LETMD1: variants seen among roughly 807,000 people sequenced by gnomAD.
LETMD1 encodes LETM1 domain-containing protein 1.
A neutral mutation model predicts 43.9 loss-of-function variants in LETMD1; 30 were observed. The observed-to-expected ratio is 0.68, with a 90% confidence interval of 0.51 to 0.93. The LOEUF is 0.93. Ranked by LOEUF, LETMD1 falls within the 40% of genes least tolerant of loss-of-function variation. The pLI, the probability that LETMD1 is intolerant of heterozygous loss-of-function variation, is 0.00. For synonymous variants in LETMD1, 176 were observed against 163.1 expected (o/e 1.08, Z -0.60); for missense variants, 413 against 447.7 (o/e 0.92, Z 0.70).
chr12:51,057,892 T>A (rs576430616), intron 7 of LETMD1, 140 bp from the exon 8 acceptor site: 5 of 721,342 alleles, frequency 6.9e-6, no homozygotes, highest in Non-Finnish European at 1.2e-5. Context: ...CCCAAAGTGC[T>A]GGGATTACAG....
intron 8 of LETMD1, chr12:51,058,525 T>C: frequency 5.9e-6 from 1 of 168,412 alleles, no homozygotes; most frequent in Non-Finnish European, 1.3e-5. Flanking sequence ...TTCAAGTGAT[T>C]CTCCTGTCTC....
At chr12:51,064,769 C>T (rs142481237), downstream of LETMD1, 5,507 of 1,060,254 alleles carry the variant, frequency 5.2e-3, 33 homozygotes, top group Non-Finnish European at 6.3e-3. Context: ...GATTTGAGGT[C>T]TCCTTGTAAG....
downstream of LETMD1, chr12:51,064,231 C>A (rs1487938359): frequency 6.2e-7 from 1 of 1,613,496 alleles, no homozygotes; most frequent in Non-Finnish European, 8.5e-7. Flanking sequence ...GGCAGCTGAG[C>A]CTGGATGAGA....
chr12:51,056,079 C>G (rs1484149962), intron 5 of LETMD1, 58 bp downstream of exon 5: 27 of 1,607,494 alleles, frequency 1.7e-5, no homozygotes, highest in East Asian at 1.3e-4. Flanking sequence ...TCAGTGTGCA[C>G]TAAACTAGGT....
At chr12:51,065,067 G>C (rs528157043), downstream of LETMD1, among the ~76,000 whole-genome samples, 1 of 152,282 alleles carries the variant, frequency 6.6e-6, no homozygotes, top group Admixed American at 6.5e-5. Context: ...GAACTTACCT[G>C]GTTCACTGAG....
chr12:51,065,803 G>C, the LETMD1 span, among the ~76,000 whole-genome samples: 1 of 152,128 alleles, frequency 6.6e-6, no homozygotes, highest in Non-Finnish European at 1.5e-5. Context: ...GTGTGTAACA[G>C]AATGACTCAT....
intron 2 of LETMD1, among the ~76,000 whole-genome samples, chr12:51,050,968 G>GC (rs1945915668): frequency 6.7e-6 from 1 of 149,844 alleles, no homozygotes; most frequent in East Asian, 2.0e-4. Flanking sequence ...AGCCAAGATC[G>GC]CACCATTGCA....
In LETMD1 at chr12:51,060,145, C is replaced by T. The variant is rs961882704; in HGVS notation, c.*714C>T. On this transcript the variant is annotated 3_prime_UTR_variant, in exon 9 of 9. Transcript: ENST00000262055. ...CCATTGTCTTTTCTGGGCTGTATTACAGCCCTCTGTGGATCTTCAACTCTG... is the reference window on the plus strand; with the variant it reads ...CCATTGTCTTTTCTGGGCTGTATTATAGCCCTCTGTGGATCTTCAACTCTG... The T allele has an allele frequency of 1.3e-5, 2 of 152,786 alleles. No individual in the cohort carries two copies. The highest frequency in any genetic ancestry group is 4.8e-5 in the African/African-American group (2 of 41,436). 9.5% of individuals were successfully genotyped at this position (152,786 alleles called of 1,614,324 possible).
chr12:51,062,543 T>TG (rs1937681584), downstream of LETMD1: 1 of 152,204 alleles, frequency 6.6e-6, no homozygotes, highest in South Asian at 2.1e-4. Context: ...AATTAGAACT[T>TG]GAATCCTTTG....
chr12:51,054,613 T>C (rs1947102911), intron 4 of LETMD1, among the ~76,000 whole-genome samples: 1 of 152,182 alleles, frequency 6.6e-6, no homozygotes, highest in Non-Finnish European at 1.5e-5. Flanking sequence ...TGAGGGGTTC[T>C]AGTAAGAATC....
chr12:51,052,535 C>A (rs1946455169), intron 3 of LETMD1, among the ~76,000 whole-genome samples: 1 of 152,194 alleles, frequency 6.6e-6, no homozygotes, highest in Non-Finnish European at 1.5e-5. Context: ...GTAATCCCAG[C>A]ACTTTGGGAA....
downstream of LETMD1, chr12:51,063,936 A>C (rs1419657689): frequency 6.2e-7 from 1 of 1,613,380 alleles, no homozygotes; most frequent in South Asian, 1.1e-5. Flanking sequence ...TAGAGCTTCT[A>C]GGGTGGGTGT....
Position 51,060,331 on chromosome 12 carries a change from G to A in LETMD1, c.*900G>A, listed in dbSNP as rs1948752918. On this transcript the variant is annotated 3_prime_UTR_variant, in exon 9 of 9. Coordinates refer to ENST00000262055, the MANE Select transcript of LETMD1 (RefSeq NM_015416.5). Reference sequence around the variant, plus strand: ...GGGTTTAGCTTTTGTGTGTGCATCAGTGACTTAGAGTTCTGTAATAACTTA... The same window carrying A: ...GGGTTTAGCTTTTGTGTGTGCATCAATGACTTAGAGTTCTGTAATAACTTA... 1 of 152,572 alleles carries A rather than the reference G, an allele frequency of 6.6e-6. No individual in the cohort carries two copies. The highest frequency in any genetic ancestry group is 2.1e-4 in the South Asian group (1 of 4,838). The allele number at this position is 152,572 out of a possible 1,614,324, so 9.5% of individuals were successfully genotyped here.
intron 4 of LETMD1, among the ~76,000 whole-genome samples, chr12:51,055,107 A>C (rs988932399): frequency 1.2e-4 from 18 of 152,090 alleles, no homozygotes; most frequent in Non-Finnish European, 2.4e-4. Flanking sequence ...CTCAAAAAAA[A>C]AACAACAAAT....
In LETMD1 at chr12:51,048,420, C is replaced by T; in HGVS notation, c.64C>T (p.His22Tyr). ...AVWGSAVTPG[H>Y]FVTRRLQLGR... is the part of the protein sequence containing the mutation. ...GTGGGGCTCGGCAGTCACCCCTGGA[C>T]ATTTTGTCACCCGGAGGCTGCAACT... Residue 22 changes from histidine (H) to tyrosine (Y), a missense_variant, in exon 1 of 9, where the codon CAT becomes TAT. His to Tyr is a moderately conservative substitution (Grantham distance 83). Transcript: ENST00000262055. 1 of 1,613,532 alleles carries T rather than the reference C, an allele frequency of 6.2e-7. No individual in the cohort carries two copies. The highest frequency in any genetic ancestry group is 8.5e-7 in the Non-Finnish European group (1 of 1,179,826).
chr12:51,056,917 AC>A (rs1227722729), intron 7 of LETMD1: 1 of 170,376 alleles, frequency 5.9e-6, no homozygotes, highest in African/African-American at 2.4e-5. Context: ...TGCCGAGACT[AC>A]AGGTGTGAGC....
intron 2 of LETMD1, 83 bp downstream of exon 2, chr12:51,049,268 G>A: frequency 8.0e-7 from 1 of 1,249,114 alleles, no homozygotes; most frequent in Non-Finnish European, 1.1e-6. Flanking sequence ...TCATTTGCAG[G>A]TTCTGCTATG....
At chr12:51,060,901 CAA>C (rs35850463), downstream of LETMD1, among the ~76,000 whole-genome samples, 13 of 65,462 alleles carry the variant, frequency 2.0e-4, no homozygotes, top group South Asian at 1.5e-3. Context: ...GATTCTGTCT[CAA>C]AAAAAAAAAA....
downstream of LETMD1, chr12:51,064,202 C>G: frequency 6.2e-7 from 1 of 1,614,162 alleles, no homozygotes; most frequent in Non-Finnish European, 8.5e-7. Context: ...CGGTAAAACA[C>G]AGGACAGAGG....
Sources: gnomAD v4.1 joint callset for allele counts (sites outside exome capture counted in the v4.1 genomes callset) on GRCh38, gnomAD v4.1.1 for gene constraint, MANE v1.5 for transcripts, NCBI Gene and HGNC (gene_info 2026-07-23, HGNC 2026-07-21) for gene names.